Variants in BRAP observed in about 807,000 individuals in gnomAD.
BRAP encodes the protein BRCA1 associated protein.
Under a neutral mutation model 73.4 loss-of-function variants are expected in BRAP, and 42 were observed. That is an observed-to-expected ratio of 0.57 (90% CI 0.45 to 0.74). BRAP has a LOEUF of 0.74. Among genes scored for constraint, BRAP ranks in the 30% least tolerant of loss-of-function variants. BRAP has a pLI of 0.00. For synonymous variants in BRAP, 255 were observed against 267.4 expected (o/e 0.95, Z 0.45); for missense variants, 593 against 751.4 (o/e 0.79, Z 2.46).
chr12:111,683,744 T>C (rs979384059), intron 1 of BRAP, among the ~76,000 whole-genome samples: 2 of 152,128 alleles, frequency 1.3e-5, no homozygotes, highest in Admixed American at 6.6e-5. Context: ...CTTCACCATG[T>C]TGGACAGGCT....
At chr12:111,660,895 C>T (rs1033516098) in intron 6 of BRAP, among the ~76,000 whole-genome samples, 18 of 152,036 alleles carry the variant, frequency 1.2e-4, no homozygotes, top group African/African-American at 3.1e-4. Context: ...TGTCCTTTTC[C>T]GCTCTTATGT....
rs1158841442 is a variant in BRAP at position 111,665,549 on chromosome 12, T to C, written c.896+90A>G. 6.6e-7 allele frequency: 1 copy of C among 1,524,858 alleles called. No homozygotes were observed. Among genetic ancestry groups the C allele is most frequent in the Non-Finnish European group, 8.9e-7 (1 of 1,119,700 alleles). The allele number at this position is 1,524,858 out of a possible 1,614,324, so 94.5% of individuals were successfully genotyped here. On this transcript the variant is annotated intron_variant, in intron 6 of 11. Transcript: ENST00000419234. The surrounding 1 kb of genome is among the most constrained non-coding windows in gnomAD (Gnocchi z 4.3). ...GACCTCTTGAATAAAGTCAAATACTTGGAATGGTTCATTTCTGCTGGTGGC... is the reference window on the plus strand; with the variant it reads ...GACCTCTTGAATAAAGTCAAATACTCGGAATGGTTCATTTCTGCTGGTGGC...
intron 6 of BRAP, among the ~76,000 whole-genome samples, chr12:111,662,620 G>T (rs1886797472): frequency 6.6e-6 from 1 of 151,910 alleles, no homozygotes; most frequent in African/African-American, 2.4e-5. Context: ...GAATAAACAG[G>T]AAGAACACTG....
intron 4 of BRAP, among the ~76,000 whole-genome samples, chr12:111,676,743 G>A (rs1320100371): frequency 6.6e-6 from 1 of 152,150 alleles, no homozygotes. Flanking sequence ...AGGATTCAAG[G>A]AGACAATGCA....
intron 9 of BRAP, among the ~76,000 whole-genome samples, chr12:111,656,639 A>C (rs1886545819): frequency 6.6e-6 from 1 of 152,226 alleles, no homozygotes; most frequent in Admixed American, 6.5e-5. Flanking sequence ...CACCTATGCT[A>C]CTGAACCCTA....
At chr12:111,650,107 ACAT>A (rs991046229) in intron 10 of BRAP, 65 bp from the exon 11 acceptor site, 12 of 1,169,504 alleles carry the variant, frequency 1.0e-5, no homozygotes, top group African/African-American at 9.2e-5. Flanking sequence ...TTTGGGACCA[ACAT>A]CATATTTTTC....
intron 9 of BRAP, among the ~76,000 whole-genome samples, chr12:111,658,049 G>A (rs1371526969): frequency 2.0e-5 from 3 of 151,036 alleles, no homozygotes; most frequent in Non-Finnish European, 4.4e-5. Context: ...AGAAATTCTG[G>A]TGCCTCAGCC....
intron 11 of BRAP, among the ~76,000 whole-genome samples, chr12:111,649,618 T>A (rs1181387805): frequency 6.6e-6 from 1 of 152,242 alleles, no homozygotes; most frequent in Non-Finnish European, 1.5e-5. Flanking sequence ...GTCTCGTTCC[T>A]AACTGCCAGT....
intron 4 of BRAP, among the ~76,000 whole-genome samples, chr12:111,673,646 T>G (rs1887264364): frequency 6.6e-6 from 1 of 152,092 alleles, no homozygotes; most frequent in Non-Finnish European, 1.5e-5. Flanking sequence ...ATATGATAGT[T>G]AGATCCCATC....
At position 111,644,425 on chromosome 12, in the gene BRAP, G is replaced by A. The variant is rs778050354; in HGVS notation, c.1553C>T (p.Thr518Ile). Residue 518 changes from threonine (T) to isoleucine (I), a missense_variant, in exon 12 of 12, where the codon ACC (threonine) becomes ATC (isoleucine). Physicochemically the swap from Thr to Ile is moderately conservative, Grantham distance 89. Transcript: ENST00000419234. ...GATCTGCAGATCTTTTTGGTCACAG[G>A]TCTCCTTCAGCACCCTCTCCTCCTC... ...LKEEERVLKE[T>I]CDQKDLQITE... 2 of 1,614,002 alleles carry A rather than the reference G, an allele frequency of 1.2e-6. No individual in the cohort carries two copies. Among genetic ancestry groups the A allele is most frequent in the East Asian group, 4.5e-5 (2 of 44,870 alleles).
intron 11 of BRAP, among the ~76,000 whole-genome samples, chr12:111,644,778 C>T (rs1414593444): frequency 1.3e-5 from 2 of 151,910 alleles, no homozygotes; most frequent in South Asian, 2.1e-4. Context: ...TTTTTTGAGA[C>T]GGAGTTTCGC....
intron 10 of BRAP, among the ~76,000 whole-genome samples, chr12:111,650,427 G>A (rs1164317632): frequency 4.6e-5 from 7 of 152,070 alleles, no homozygotes; most frequent in Non-Finnish European, 7.4e-5. Flanking sequence ...CACCACGCCC[G>A]GCTAATTTTT....
At chr12:111,650,784 AT>A (rs1478531534) in intron 10 of BRAP, among the ~76,000 whole-genome samples, 19 of 152,102 alleles carry the variant, frequency 1.2e-4, no homozygotes, top group Non-Finnish European at 2.6e-4. Flanking sequence ...AATTCACAAT[AT>A]TTTTTTCATG....
At chr12:111,670,148 C>G (rs1482679061) in intron 5 of BRAP, 7 of 616,046 alleles carry the variant, frequency 1.1e-5, no homozygotes, top group African/African-American at 3.7e-5. Context: ...CTTTCTTTGT[C>G]ATCCAACTAA....
intron 5 of BRAP, among the ~76,000 whole-genome samples, chr12:111,666,007 C>T (rs552515207): frequency 6.6e-6 from 1 of 152,262 alleles, no homozygotes; most frequent in East Asian, 1.9e-4. Context: ...TGTGCCAGGC[C>T]TTTCTTCTTT....
chr12:111,668,679 CAG>C (rs1428705290), intron 5 of BRAP, among the ~76,000 whole-genome samples: 4 of 147,866 alleles, frequency 2.7e-5, no homozygotes, highest in Non-Finnish European at 4.5e-5. Flanking sequence ...TTTTTTGAGA[CAG>C]AGTCTCGCTC....
intron 6 of BRAP, among the ~76,000 whole-genome samples, chr12:111,662,968 C>CA (rs1886810839): frequency 4.2e-5 from 6 of 143,746 alleles, no homozygotes; most frequent in African/African-American, 1.5e-4. Flanking sequence ...AAACAAAAAA[C>CA]TAAAAACAAC....
chr12:111,659,609 G>A (rs562484847), intron 7 of BRAP, among the ~76,000 whole-genome samples: 3 of 152,210 alleles, frequency 2.0e-5, no homozygotes, highest in East Asian at 1.9e-4. Context: ...ACCCGAAATC[G>A]TGCCACTGCA....
At chr12:111,679,470 A>G (rs113948425) in intron 3 of BRAP, 130 bp from the exon 4 acceptor site, 16 of 551,044 alleles carry the variant, frequency 2.9e-5, no homozygotes, top group African/African-American at 2.5e-4. Flanking sequence ...GAACTGTTCT[A>G]TATTATACCC....
Sources: gnomAD v4.1 joint callset for allele counts (sites outside exome capture counted in the v4.1 genomes callset) on GRCh38, gnomAD v4.1.1 for gene constraint, Gnocchi (gnomAD v3.1) non-coding constraint, MANE v1.5 for transcripts, NCBI Gene and HGNC (gene_info 2026-07-23, HGNC 2026-07-21) for gene names.